FAM241A: variants seen among roughly 807,000 people sequenced by gnomAD.
FAM241A encodes the protein family with sequence similarity 241 member A.
FAM241A carries 7 observed loss-of-function variants against 12.2 expected under a neutral mutation model. That is an observed-to-expected ratio of 0.58 (90% CI 0.33 to 1.08). The LOEUF (loss-of-function observed/expected upper bound fraction) is 1.08. Among genes scored for constraint, FAM241A ranks in the 50% least tolerant of loss-of-function variants. FAM241A has a pLI of 0.04. For synonymous variants in FAM241A, 74 were observed against 68.2 expected (o/e 1.08, Z -0.42); for missense variants, 161 against 169.7 (o/e 0.95, Z 0.29).
chr4:112,157,148 A>G (rs551652088), intron 1 of FAM241A, among the ~76,000 whole-genome samples: 4 of 152,150 alleles, frequency 2.6e-5, no homozygotes, highest in Admixed American at 6.5e-5. Flanking sequence ...TCAAGAGGGA[A>G]CCCAGTAAAT....
At chr4:112,174,438 G>GCT (rs1039465423) in intron 1 of FAM241A, among the ~76,000 whole-genome samples, 2 of 152,234 alleles carry the variant, frequency 1.3e-5, no homozygotes, top group Non-Finnish European at 2.9e-5. Context: ...TGAGTGAAGA[G>GCT]CTCCATAGAT....
chr4:112,181,175 T>G (rs184066183), intron 1 of FAM241A, among the ~76,000 whole-genome samples: 215 of 152,274 alleles, frequency 1.4e-3, no homozygotes, highest in African/African-American at 5.0e-3. Context: ...GAAGGCTGGA[T>G]TTAAGGTTCT....
intron 1 of FAM241A, among the ~76,000 whole-genome samples, chr4:112,178,572 G>A (rs1411879417): frequency 1.3e-5 from 2 of 151,984 alleles, no homozygotes; most frequent in African/African-American, 2.4e-5. Flanking sequence ...TCTCAACATC[G>A]GCCTTGGCAA....
chr4:112,187,070 T>C lies in FAM241A; in HGVS notation c.*132T>C, dbSNP rs1055215116. The C allele has an allele frequency of 6.4e-6, 6 of 944,130 alleles. No homozygotes were observed. The highest frequency in any genetic ancestry group is 4.8e-5 in the Admixed American group (2 of 42,076). The allele number at this position is 944,130 out of a possible 1,614,324, so 58.5% of individuals were successfully genotyped here. A position where few individuals can be genotyped will look rare whatever the true frequency, so the allele number is the denominator to read the frequency against. ...ATGTGCTGGCTGTTTTGTAAGTAAA[T>C]TTATACATGGATGTCACTTAAAACT... On this transcript the variant is annotated 3_prime_UTR_variant, in exon 2 of 2. Coordinates refer to ENST00000309733, the MANE Select transcript of FAM241A (RefSeq NM_152400.3).
At position 112,161,474 on chromosome 4, in the gene FAM241A, G is replaced by C. The variant is rs575353702; in HGVS notation, c.153+15741G>C. ...ATTGATGCAATAAAAAATGATAAAG[G>C]GGTATCACCACCAATCCCACGGAAA... On this transcript the variant is annotated intron_variant, in intron 1 of 1. Coordinates refer to ENST00000309733, the MANE Select transcript of FAM241A (RefSeq NM_152400.3). Among the ~76,000 whole-genome samples, 3 of 152,144 alleles carry C rather than the reference G, an allele frequency of 2.0e-5. No individual in the cohort carries two copies. The South Asian group carries it at 6.2e-4, about 32-fold the overall frequency.
rs554445761 is a variant in FAM241A, at chr4:112,149,782, A to G, written c.153+4049A>G. Among the ~76,000 whole-genome samples, 2 of 152,246 alleles carry G rather than the reference A, an allele frequency of 1.3e-5. 1 individual carries two copies. The highest frequency in any genetic ancestry group is 4.8e-5 in the African/African-American group (2 of 41,552). On this transcript the variant is annotated intron_variant, in intron 1 of 1. Coordinates refer to ENST00000309733, the MANE Select transcript of FAM241A (RefSeq NM_152400.3). ...TGGAGAGGTTTACTAAACCATTCAT[A>G]TATTTATTAGGCATTTGTATTTCTT...
At chr4:112,155,407 C>T (rs1723331502) in intron 1 of FAM241A, among the ~76,000 whole-genome samples, 1 of 151,930 alleles carries the variant, frequency 6.6e-6, no homozygotes, top group Admixed American at 6.6e-5. Flanking sequence ...TATCCATCCC[C>T]TCAAAAAAAT....
At chr4:112,173,295 G>A (rs1160875908) in intron 1 of FAM241A, among the ~76,000 whole-genome samples, 2 of 152,188 alleles carry the variant, frequency 1.3e-5, no homozygotes, top group African/African-American at 4.8e-5. Context: ...AACTTCCCCA[G>A]AGAGTTATAA....
At chr4:112,149,336 A>T (rs960603133) in intron 1 of FAM241A, among the ~76,000 whole-genome samples, 2 of 152,162 alleles carry the variant, frequency 1.3e-5, no homozygotes, top group Admixed American at 6.5e-5. Context: ...TTTTAATATA[A>T]ATATAATTTT....
At chr4:112,147,051 G>A (rs961833211) in intron 1 of FAM241A, among the ~76,000 whole-genome samples, 7 of 152,026 alleles carry the variant, frequency 4.6e-5, no homozygotes, top group Non-Finnish European at 1.0e-4. Context: ...TTTGAGCAGG[G>A]GTTTCCAAAG....
intron 1 of FAM241A, among the ~76,000 whole-genome samples, chr4:112,148,072 A>T (rs1010537615): frequency 6.6e-6 from 1 of 152,118 alleles, no homozygotes; most frequent in African/African-American, 2.4e-5. Flanking sequence ...AGCTCTTTCA[A>T]TGATTTTGTC....
At chr4:112,166,202 C>T (rs1723591657) in intron 1 of FAM241A, among the ~76,000 whole-genome samples, 1 of 151,776 alleles carries the variant, frequency 6.6e-6, no homozygotes. Context: ...GTGCCCCCCA[C>T]CACACCCGGC....
intron 1 of FAM241A, among the ~76,000 whole-genome samples, chr4:112,177,040 ATC>A (rs978212326): frequency 6.6e-6 from 1 of 151,946 alleles, no homozygotes; most frequent in Non-Finnish European, 1.5e-5. Context: ...CCAACCACAT[ATC>A]TCTTCATTCT....
intron 1 of FAM241A, among the ~76,000 whole-genome samples, chr4:112,169,225 G>A (rs955605598): frequency 1.3e-5 from 2 of 152,146 alleles, no homozygotes; most frequent in Non-Finnish European, 2.9e-5. Context: ...TTAAGAATCA[G>A]TCCTCATCTA....
chr4:112,181,136 G>T (rs1723934692), intron 1 of FAM241A, among the ~76,000 whole-genome samples: 1 of 152,156 alleles, frequency 6.6e-6, no homozygotes, highest in South Asian at 2.1e-4. Flanking sequence ...CTGGAACTGA[G>T]TAGGTAGAAT....
chr4:112,172,341 C>G (rs1369907875), intron 1 of FAM241A, among the ~76,000 whole-genome samples: 1 of 152,114 alleles, frequency 6.6e-6, no homozygotes, highest in Non-Finnish European at 1.5e-5. Flanking sequence ...AAGAGGAATA[C>G]AAAGCAAGAA....
rs184070341 is a variant in FAM241A at position 112,190,627 on chromosome 4, A to C, written c.*3689A>C. On this transcript the variant is annotated 3_prime_UTR_variant, in exon 2 of 2. Coordinates refer to ENST00000309733, the MANE Select transcript of FAM241A (RefSeq NM_152400.3). ...GGCAGGAGAGTCGCTTGAACCCGGA[A>C]GCCAAAGTTTGCAGTGAGCCAAGAT... is the stretch of plus-strand genomic sequence containing the variant. 2.0e-5 allele frequency: 3 copies of C among 151,862 alleles called. No individual in the cohort carries two copies. The highest frequency in any genetic ancestry group is 1.3e-4 in the Admixed American group (2 of 15,258). The allele number at this position is 151,862 out of a possible 1,614,324, so 9.4% of individuals were successfully genotyped here.
At chr4:112,182,948 T>C (rs1023601747) in intron 1 of FAM241A, among the ~76,000 whole-genome samples, 2 of 151,786 alleles carry the variant, frequency 1.3e-5, no homozygotes, top group African/African-American at 4.8e-5. Context: ...TCATTTTCCT[T>C]TTCCACGTTC....
rs1472255985 is a variant in FAM241A, at chr4:112,194,997, C to T, written c.*8059C>T. ...CCATGTTGGCCAGGATGGTCTCAAT[C>T]GCTTGACCTCATGATCCGCCCGCCT... On this transcript the variant is annotated 3_prime_UTR_variant, in exon 2 of 2. Coordinates refer to ENST00000309733, the MANE Select transcript of FAM241A (RefSeq NM_152400.3). 2 of 152,220 alleles carry T rather than the reference C, an allele frequency of 1.3e-5. No individual in the cohort carries two copies. Among genetic ancestry groups the T allele is most frequent in the Admixed American group, 6.5e-5 (1 of 15,282 alleles). The allele number at this position is 152,220 out of a possible 1,614,324, so 9.4% of individuals were successfully genotyped here.
Sources: allele counts gnomAD v4.1 joint callset (sites outside exome capture counted in the v4.1 genomes callset), GRCh38; gene constraint gnomAD v4.1.1; transcripts MANE v1.5; gene names NCBI Gene and HGNC (gene_info 2026-07-23, HGNC 2026-07-21).